POLK: variants seen among roughly 807,000 people sequenced by gnomAD.
POLK encodes polymerase (DNA directed) kappa.
A neutral mutation model predicts 94.0 loss-of-function variants in POLK; 76 were observed. That is an observed-to-expected ratio of 0.81 (90% CI 0.67 to 0.98). The LOEUF (loss-of-function observed/expected upper bound fraction) is 0.98. Among genes scored for constraint, POLK ranks in the 50% least tolerant of loss-of-function variants. The pLI is 0.00. For synonymous variants in POLK, 349 were observed against 325.4 expected (o/e 1.07, Z -0.78); for missense variants, 954 against 1,010.1 (o/e 0.94, Z 0.75).
intron 3 of POLK, among the ~76,000 whole-genome samples, chr5:75,562,165 G>A (rs1771023356): frequency 6.6e-6 from 1 of 152,086 alleles, no homozygotes; most frequent in African/African-American, 2.4e-5. Flanking sequence ...CCATTTGTTT[G>A]TGTCCTCCTT....
intron 4 of POLK, among the ~76,000 whole-genome samples, chr5:75,570,147 C>G (rs914661154): frequency 1.3e-5 from 2 of 152,162 alleles, no homozygotes; most frequent in African/African-American, 4.8e-5. Context: ...AAACCAGTCT[C>G]TGGTGCCAAA....
At chr5:75,597,015 C>A in exon 13 of POLK, 1 of 1,613,746 alleles carries the variant, frequency 6.2e-7, no homozygotes, top group Non-Finnish European at 8.5e-7. Context: ...TGAAAACAGG[C>A]CAAGCTCTAG....
At chr5:75,559,457 C>T (rs1320373217) in intron 3 of POLK, among the ~76,000 whole-genome samples, 1 of 148,940 alleles carries the variant, frequency 6.7e-6, no homozygotes, top group Non-Finnish European at 1.5e-5. Context: ...AGCTATACAG[C>T]AAATCAGTGC....
chr5:75,539,050 GCATGAGC>G (rs1484702743), intron 1 of POLK, among the ~76,000 whole-genome samples: 4 of 152,196 alleles, frequency 2.6e-5, no homozygotes, highest in Non-Finnish European at 5.9e-5. Flanking sequence ...GGGATTACAG[GCATGAGC>G]CACCGTGCCC....
intron 1 of POLK, among the ~76,000 whole-genome samples, chr5:75,528,565 G>A (rs1250444623): frequency 6.6e-6 from 1 of 151,836 alleles, no homozygotes; most frequent in South Asian, 2.1e-4. Flanking sequence ...TAATTCCAGC[G>A]CTTTGAAAGG....
chr5:75,552,431 T>A, intron 2 of POLK, 41 bp from the exon 3 acceptor site: 1 of 1,591,712 alleles, frequency 6.3e-7, no homozygotes. Context: ...ATGCTTTCCT[T>A]CAGACATTTT....
At chr5:75,516,713 T>A (rs1431974298) in intron 1 of POLK, among the ~76,000 whole-genome samples, 1 of 152,198 alleles carries the variant, frequency 6.6e-6, no homozygotes, top group Non-Finnish European at 1.5e-5. Context: ...GCCAATGTCC[T>A]GGAGTATTTC....
At chr5:75,540,657 A>C (rs888130676) in intron 1 of POLK, among the ~76,000 whole-genome samples, 4 of 152,166 alleles carry the variant, frequency 2.6e-5, no homozygotes, top group Admixed American at 6.5e-5. Context: ...TACAGTACCA[A>C]AAAAGGTACT....
At chr5:75,606,090 C>T (rs1163639368), downstream of POLK, among the ~76,000 whole-genome samples, 1 of 103,504 alleles carries the variant, frequency 9.7e-6, no homozygotes, top group African/African-American at 3.8e-5. Flanking sequence ...CAGACAAACA[C>T]GTGAACAAAG....
intron 10 of POLK, among the ~76,000 whole-genome samples, chr5:75,588,632 T>G (rs969904273): frequency 9.9e-5 from 15 of 152,208 alleles, no homozygotes; most frequent in African/African-American, 3.6e-4. Flanking sequence ...TCTACAAATT[T>G]AGTGGCTCAA....
chr5:75,601,553 A>C (rs1773296470), downstream of POLK, among the ~76,000 whole-genome samples: 1 of 152,160 alleles, frequency 6.6e-6, no homozygotes, highest in African/African-American at 2.4e-5. Flanking sequence ...CTGCCAGCAT[A>C]GCTAGGATAA....
chr5:75,552,355 TA>T, intron 2 of POLK, 116 bp from the exon 3 acceptor site: 1 of 893,046 alleles, frequency 1.1e-6, no homozygotes, highest in African/African-American at 1.7e-5. Flanking sequence ...GTAGTAGAGC[TA>T]AGTTTTAAAT....
intron 10 of POLK, among the ~76,000 whole-genome samples, chr5:75,589,765 T>C (rs1772682018): frequency 6.6e-6 from 1 of 152,210 alleles, no homozygotes; most frequent in Non-Finnish European, 1.5e-5. Context: ...CTGGTCTCTT[T>C]GTATTATCCT....
At chr5:75,592,709 AAAAC>A (rs950875464) in intron 11 of POLK, among the ~76,000 whole-genome samples, 5 of 151,772 alleles carry the variant, frequency 3.3e-5, no homozygotes, top group Admixed American at 6.6e-5. Flanking sequence ...AACAAAAAAA[AAAAC>A]AAACAAAAAA....
chr5:75,522,668 T>C (rs1275236779), intron 1 of POLK, among the ~76,000 whole-genome samples: 1 of 152,180 alleles, frequency 6.6e-6, no homozygotes, highest in Non-Finnish European at 1.5e-5. Flanking sequence ...ATTTTTAAAT[T>C]ATTTTATTTT....
At chr5:75,511,494 G>A, upstream of POLK, 1 of 1,493,138 alleles carries the variant, frequency 6.7e-7, no homozygotes, top group East Asian at 2.5e-5. Context: ...GCTGCCACCC[G>A]AACTTAGCCC....
exon 3 of POLK, chr5:75,552,476 C>T: frequency 6.2e-7 from 1 of 1,610,636 alleles, no homozygotes. Context: ...CCATAGGGGT[C>T]CAGATTTTAT....
intron 8 of POLK, among the ~76,000 whole-genome samples, chr5:75,584,035 A>T (rs1679645384): frequency 6.6e-6 from 1 of 152,226 alleles, no homozygotes; most frequent in Non-Finnish European, 1.5e-5. Flanking sequence ...CTCAGTATGT[A>T]ATATGTAATG....
intron 9 of POLK, 68 bp downstream of exon 9, chr5:75,584,994 G>C: frequency 2.0e-6 from 2 of 991,448 alleles, no homozygotes; most frequent in Non-Finnish European, 3.1e-6. Flanking sequence ...TAACCATTGA[G>C]ATGAGGCTAT....
Sources: gnomAD v4.1 joint callset for allele counts (sites outside exome capture counted in the v4.1 genomes callset) on GRCh38, gnomAD v4.1.1 for gene constraint, MANE v1.5 for transcripts, NCBI Gene and HGNC (gene_info 2026-07-23, HGNC 2026-07-21) for gene names.